The following FCGR3A variants were observed in gnomAD, a reference collection of about 807,000 sequenced individuals.
FCGR3A encodes the protein low affinity immunoglobulin gamma Fc region receptor III-A.
Under a neutral mutation model 24.1 loss-of-function variants are expected in FCGR3A, and 13 were observed. The ratio of observed to expected loss-of-function variants is 0.54; its 90% CI spans 0.35 to 0.86. The LOEUF (loss-of-function observed/expected upper bound fraction) is 0.86. FCGR3A is among the 40% of genes least tolerant of loss of function. The probability of loss-of-function intolerance (pLI) is 0.01; values close to 1 mark genes in which losing one functional copy is unlikely to be tolerated. For missense variants in FCGR3A, 235 were observed against 298.0 expected (o/e 0.79, Z 1.56); for synonymous variants, 93 against 112.2 (o/e 0.83, Z 1.08).
At chr1:161,545,934 G>T (rs1456368147) in intron 3 of FCGR3A, among the ~76,000 whole-genome samples, 4 of 151,972 alleles carry the variant, frequency 2.6e-5, no homozygotes, top group Admixed American at 6.6e-5. Context: ...ATATTAACAG[G>T]GGTTTTCTCT....
chr1:161,544,402 A>G (rs562697435), intron 4 of FCGR3A, among the ~76,000 whole-genome samples: 47 of 152,020 alleles, frequency 3.1e-4, no homozygotes, highest in Middle Eastern at 3.4e-3. Flanking sequence ...CGTGGGTGTG[A>G]TTAGCGTAAG....
At chr1:161,543,309 G>T in intron 4 of FCGR3A, 110 bp from the exon 5 acceptor site, 1 of 1,303,426 alleles carries the variant, frequency 7.7e-7, no homozygotes, top group Non-Finnish European at 1.1e-6. Context: ...CAACAGGCAA[G>T]TGGTAGGAAT....
rs374159614 is a variant in FCGR3A, at chr1:161,548,438, T to A, written c.302A>T (p.Gln101Leu). 2 of 1,614,036 alleles carry A rather than the reference T, an allele frequency of 1.2e-6. No individual in the cohort carries two copies. Among genetic ancestry groups the A allele is most frequent in the East Asian group, 2.2e-5 (1 of 44,892 alleles). Reference sequence around the variant, plus strand: ...CAACTCACCGATATGGACTTCTAGCTGCACCGGGTCACTGAGGGTGGAGAG... The same window carrying A: ...CAACTCACCGATATGGACTTCTAGCAGCACCGGGTCACTGAGGGTGGAGAG... ...TNLSTLSDPVQLEVHIGWLLL... is the reference protein window; with the variant it reads ...TNLSTLSDPVLLEVHIGWLLL... The change falls in exon 3 of 5, where the codon CAG becomes CTG. Residue 101 changes from glutamine to leucine, a missense_variant. Coordinates refer to ENST00000443193, the MANE Select transcript of FCGR3A (RefSeq NM_000569.8).
intron 3 of FCGR3A, among the ~76,000 whole-genome samples, chr1:161,547,844 T>G (rs10917566): frequency 6.9e-6 from 1 of 145,056 alleles, no homozygotes; most frequent in African/African-American, 2.5e-5. Context: ...CCAAGGCTGG[T>G]GAATCACCTG....
intron 3 of FCGR3A, among the ~76,000 whole-genome samples, chr1:161,547,864 G>A (rs557665588): frequency 6.6e-6 from 1 of 152,426 alleles, no homozygotes; most frequent in South Asian, 2.1e-4. Flanking sequence ...GAGGTCAGGA[G>A]TTTGAGACCA....
chr1:161,549,655 G>C (rs1182889098), intron 1 of FCGR3A, 42 bp downstream of exon 1: 2 of 1,611,246 alleles, frequency 1.2e-6, no homozygotes, highest in East Asian at 4.5e-5. Context: ...TGAACCCAAG[G>C]CATCTCAAAC....
At chr1:161,549,982 C>G (rs1192164344), upstream of FCGR3A, 8 of 930,184 alleles carry the variant, frequency 8.6e-6, no homozygotes, top group Non-Finnish European at 1.3e-5. Flanking sequence ...GCCCCCTTTA[C>G]TCCCTCAAAG....
chr1:161,542,849 C>T lies in FCGR3A; in HGVS notation c.*163G>A. 1.8e-6 allele frequency: 1 copy of T among 559,532 alleles called. No individual in the cohort carries two copies. Among genetic ancestry groups the T allele is most frequent in the South Asian group, 3.0e-5 (1 of 33,284 alleles). The allele number at this position is 559,532 out of a possible 1,614,324, so 34.7% of individuals were successfully genotyped here. ...TTGAAGATCATGGGCTTTTCCCTTC[C>T]ACTGGAGACCAAGGAAAAGTCGAGA... On this transcript the variant is annotated 3_prime_UTR_variant, in exon 5 of 5. Transcript: ENST00000443193.
rs1430701859 is a variant in FCGR3A, at chr1:161,542,905, T to A, written c.*107A>T. Reference sequence around the variant, plus strand: ...ATAAGGGATCTGGCTCTGAGTTCTATGTTTCCTGCTGCTTGTAGAGAGGCC... The same window carrying A: ...ATAAGGGATCTGGCTCTGAGTTCTAAGTTTCCTGCTGCTTGTAGAGAGGCC... On this transcript the variant is annotated 3_prime_UTR_variant, in exon 5 of 5. Coordinates refer to ENST00000443193, the MANE Select transcript of FCGR3A (RefSeq NM_000569.8). 1.2e-6 allele frequency: 1 copy of A among 863,418 alleles called. No homozygotes were observed. The highest frequency in any genetic ancestry group is 1.8e-6 in the Non-Finnish European group (1 of 556,852). The allele number at this position is 863,418 out of a possible 1,614,324, so 53.5% of individuals were successfully genotyped here.
rs978176898 is a variant in FCGR3A at position 161,542,532 on chromosome 1, A to G, written c.*480T>C. On this transcript the variant is annotated 3_prime_UTR_variant, in exon 5 of 5. Transcript: ENST00000443193. ...CTGGACTACCTGCTATTTCTCAGCCATGCTTTCATTGGTCCCACTGAATTC... is the reference window on the plus strand; with the variant it reads ...CTGGACTACCTGCTATTTCTCAGCCGTGCTTTCATTGGTCCCACTGAATTC... 1.3e-5 allele frequency: 2 copies of G among 154,148 alleles called. No individual in the cohort carries two copies. The highest frequency in any genetic ancestry group is 2.9e-5 in the Non-Finnish European group (2 of 69,376). The allele number at this position is 154,148 out of a possible 1,614,324, so 9.5% of individuals were successfully genotyped here.
intron 3 of FCGR3A, among the ~76,000 whole-genome samples, chr1:161,546,691 G>T (rs1316667368): frequency 6.6e-6 from 1 of 151,982 alleles, no homozygotes; most frequent in Non-Finnish European, 1.5e-5. Context: ...AGATCATGAA[G>T]TCAGGAGATC....
Position 161,548,535 on chromosome 1 carries a change from T to C in FCGR3A, c.205A>G (p.Ser69Gly), listed in dbSNP as rs1272973798. ...QWFHNESLIS[S>G]QASSYFIDAA... ...TCAATGAAGTAGCTCGAGGCCTGGC[T>C]TGAGATGAGGCTCTCATTGTGAAAC... Residue 69 changes from serine to glycine, a missense_variant, in exon 3 of 5, where the codon AGC becomes GGC. Physicochemically the swap from Ser to Gly is moderately conservative, Grantham distance 56. Transcript: ENST00000443193. 1 of 1,614,038 alleles carries C rather than the reference T, an allele frequency of 6.2e-7. No homozygotes were observed. The highest frequency in any genetic ancestry group is 8.5e-7 in the Non-Finnish European group (1 of 1,179,878).
intron 4 of FCGR3A, among the ~76,000 whole-genome samples, chr1:161,543,948 G>C (rs1461330914): frequency 6.6e-6 from 1 of 152,290 alleles, no homozygotes; most frequent in African/African-American, 2.4e-5. Flanking sequence ...GACTTAATGG[G>C]ATCATAGGAT....
Position 161,542,992 on chromosome 1 carries a change from T to A in FCGR3A, c.*20A>T, listed in dbSNP as rs746855462. ...AGAGATGCTGCTGCTACTGCTCTTA[T>A]TACCCCCATGGGATGGGGGTCATTT... On this transcript the variant is annotated 3_prime_UTR_variant, in exon 5 of 5. Transcript: ENST00000443193. 1.4e-5 allele frequency: 23 copies of A among 1,590,218 alleles called. No individual in the cohort carries two copies. Among genetic ancestry groups the A allele is most frequent in the Non-Finnish European group, 1.5e-5 (17 of 1,164,950 alleles).
chr1:161,548,270 A>G (rs1383801633), intron 3 of FCGR3A, 151 bp downstream of exon 3: 7 of 1,404,622 alleles, frequency 5.0e-6, no homozygotes, highest in Non-Finnish European at 6.8e-6. Flanking sequence ...TAGAGCTAGG[A>G]CTACAACTCT....
chr1:161,549,750 A>T lies in FCGR3A; in HGVS notation c.-14T>A. On this transcript the variant is annotated 5_prime_UTR_variant, in exon 1 of 5. Transcript: ENST00000443193. The stretch of plus-strand genomic sequence containing the variant: ...CAGCTGCCACATGATGCCACACTGG[A>T]GTGGACAAGTCACCAAAGATATCCG... 1 of 1,613,964 alleles carries T rather than the reference A, an allele frequency of 6.2e-7. No individual in the cohort carries two copies. Among genetic ancestry groups the T allele is most frequent in the Non-Finnish European group, 8.5e-7 (1 of 1,179,916 alleles).
chr1:161,545,417 G>C, intron 3 of FCGR3A: 1 of 161,906 alleles, frequency 6.2e-6, no homozygotes, highest in Admixed American at 6.0e-5. Context: ...AAAGACTCTT[G>C]TGGCAGTCAG....
intron 4 of FCGR3A, among the ~76,000 whole-genome samples, chr1:161,543,542 A>AT (rs1677230064): frequency 6.6e-6 from 1 of 152,102 alleles, no homozygotes; most frequent in Non-Finnish European, 1.5e-5. Flanking sequence ...AAATTTGTTG[A>AT]TTTTGCATTT....
At chr1:161,549,200 T>G (rs1334237025) in intron 1 of FCGR3A, among the ~76,000 whole-genome samples, 169 bp from the exon 2 acceptor site, 8 of 151,034 alleles carry the variant, frequency 5.3e-5, no homozygotes, top group African/African-American at 1.9e-4. Flanking sequence ...TGGTCTCCAC[T>G]GTTCATGCCT....
Sources: allele counts gnomAD v4.1 joint callset (sites outside exome capture counted in the v4.1 genomes callset), GRCh38; gene constraint gnomAD v4.1.1; transcripts MANE v1.5; gene names NCBI Gene and HGNC (gene_info 2026-07-23, HGNC 2026-07-21).